The following DCBLD2 variants were observed in gnomAD, a reference collection of about 807,000 sequenced individuals.
DCBLD2 encodes discoidin, CUB and LCCL domain-containing protein 2.
In DCBLD2, 54 loss-of-function variants were observed where a neutral mutation model predicts 86.8. The ratio of observed to expected loss-of-function variants is 0.62; its 90% CI spans 0.50 to 0.78. The LOEUF is 0.78. Among genes scored for constraint, DCBLD2 ranks in the 30% least tolerant of loss-of-function variants. The pLI, the probability that DCBLD2 is intolerant of heterozygous loss-of-function variation, is 0.00. For missense variants in DCBLD2, 908 were observed against 954.2 expected (o/e 0.95, Z 0.64); for synonymous variants, 354 against 341.3 (o/e 1.04, Z -0.41).
At chr3:98,815,762 A>C (rs974683200) in intron 9 of DCBLD2, 3 of 152,208 alleles carry the variant, frequency 2.0e-5, no homozygotes, top group African/African-American at 7.2e-5. Flanking sequence ...TCAGAGATAA[A>C]AATACATTGG....
At position 98,799,787 on chromosome 3, in the gene DCBLD2, G is replaced by GTAGA; in HGVS notation, c.1909_1912dup (p.Thr638IlefsTer4). The GTAGA allele has an allele frequency of 1.2e-6, 2 of 1,613,882 alleles. No homozygotes were observed. Among genetic ancestry groups the GTAGA allele is most frequent in the Non-Finnish European group, 1.7e-6 (2 of 1,179,834 alleles). Reference sequence around the variant, plus strand: ...TTCTTTTCCTTCTTCTGGTTTAAAGGTAGATCTTTGATGAAGTGTACCAAC... The same window carrying GTAGA: ...TTCTTTTCCTTCTTCTGGTTTAAAGGTAGATAGATCTTTGATGAAGTGTACCAAC... On this transcript the variant is annotated frameshift_variant, in exon 16 of 16. Transcript: ENST00000326840. LOFTEE classifies it high-confidence loss of function.
intron 2 of DCBLD2, among the ~76,000 whole-genome samples, chr3:98,860,512 T>C (rs1291595019): frequency 1.3e-5 from 2 of 152,186 alleles, no homozygotes; most frequent in African/African-American, 4.8e-5. Context: ...CCCATCAGAC[T>C]AACAGCAGAT....
intron 13 of DCBLD2, among the ~76,000 whole-genome samples, chr3:98,803,857 G>T (rs940791278): frequency 8.5e-5 from 13 of 152,182 alleles, no homozygotes; most frequent in African/African-American, 3.1e-4. Flanking sequence ...TTATTGATTT[G>T]CATATGTTGA....
In DCBLD2 at chr3:98,819,227, ATCTAT is replaced by A; in HGVS notation, c.1057_1061del (p.Ile353PhefsTer3). On this transcript the variant is annotated frameshift_variant, in exon 8 of 16. Coordinates refer to ENST00000326840, the MANE Select transcript of DCBLD2 (RefSeq NM_080927.4). LOFTEE classifies it high-confidence loss of function. ...CTGTTATTTTCTTTTCCTTATTCAA[ATCTAT>A]TTGTAACCACTGGTATTCATCAGTG... is the stretch of plus-strand genomic sequence containing the variant. 1 of 1,587,690 alleles carries A rather than the reference ATCTAT, an allele frequency of 6.3e-7. No homozygotes were observed. The highest frequency in any genetic ancestry group is 2.3e-5 in the East Asian group (1 of 44,246).
chr3:98,839,749 G>C (rs1409120414), intron 3 of DCBLD2, among the ~76,000 whole-genome samples: 1 of 152,076 alleles, frequency 6.6e-6, no homozygotes, highest in Non-Finnish European at 1.5e-5. Context: ...GGGTGGGGGA[G>C]GTAAAAGACA....
intron 2 of DCBLD2, among the ~76,000 whole-genome samples, chr3:98,866,148 T>C (rs1943139226): frequency 6.6e-6 from 1 of 152,178 alleles, no homozygotes; most frequent in Non-Finnish European, 1.5e-5. Context: ...TTTGCTATTG[T>C]GAATAGTGCC....
At position 98,901,298 on chromosome 3, in the gene DCBLD2, C is replaced by T. The variant is rs745812407; in HGVS notation, c.29G>A (p.Arg10Lys). The change falls in exon 1 of 16, where the codon AGG becomes AAG. Residue 10 changes from arginine to lysine, a missense_variant. Arg to Lys is a conservative substitution (Grantham distance 26, BLOSUM62 2). Transcript: ENST00000326840. MASRAVVRA[R>K]RCPQCPQVRA... ...GACTTGGGGACACTGCGGGCAGCGC[C>T]TGGCTCTCACCACCGCCCGGCTCGC... 1 of 1,498,120 alleles carries T rather than the reference C, an allele frequency of 6.7e-7. No homozygotes were observed. The highest frequency in any genetic ancestry group is 1.4e-5 in the African/African-American group (1 of 70,262). The allele number at this position is 1,498,120 out of a possible 1,614,324, so 92.8% of individuals were successfully genotyped here.
At chr3:98,832,591 T>C (rs1395622883) in intron 3 of DCBLD2, among the ~76,000 whole-genome samples, 1 of 152,194 alleles carries the variant, frequency 6.6e-6, no homozygotes, top group East Asian at 1.9e-4. Flanking sequence ...TTCTTTTCCA[T>C]ATTTAGTGCT....
At chr3:98,816,280 G>C (rs1355677376) in intron 9 of DCBLD2, 1 of 147,946 alleles carries the variant, frequency 6.8e-6, no homozygotes, top group Non-Finnish European at 1.5e-5. Flanking sequence ...GATCAACCCA[G>C]ATTTCTACAC....
chr3:98,852,950 G>A (rs1167108506), intron 2 of DCBLD2, among the ~76,000 whole-genome samples: 4 of 152,278 alleles, frequency 2.6e-5, no homozygotes, highest in Admixed American at 1.3e-4. Flanking sequence ...TTTCAGCCTG[G>A]TGGGACCCCA....
At chr3:98,870,731 G>GAA (rs1247424362) in intron 2 of DCBLD2, among the ~76,000 whole-genome samples, 2 of 103,388 alleles carry the variant, frequency 1.9e-5, no homozygotes, top group Admixed American at 1.1e-4. Flanking sequence ...GAAAAGAAAA[G>GAA]AAAGAAAAAG....
chr3:98,798,838 T>G lies in DCBLD2; in HGVS notation c.*534A>C, dbSNP rs1941659518. The G allele has an allele frequency of 6.6e-6, 1 of 152,546 alleles. No individual in the cohort carries two copies. Among genetic ancestry groups the G allele is most frequent in the Non-Finnish European group, 1.5e-5 (1 of 68,342 alleles). 9.4% of individuals were successfully genotyped at this position (152,546 alleles called of 1,614,324 possible). A position where few individuals can be genotyped will look rare whatever the true frequency, so the allele number is the denominator to read the frequency against. ...AAAATCCCAGCTACAGATCTTAAGA[T>G]GGATAAGTGGATATGGCTGCAATAA... On this transcript the variant is annotated 3_prime_UTR_variant, in exon 16 of 16. Transcript: ENST00000326840.
At chr3:98,810,800 C>T (rs995190774) in intron 12 of DCBLD2, among the ~76,000 whole-genome samples, 6 of 151,860 alleles carry the variant, frequency 4.0e-5, no homozygotes, top group African/African-American at 1.2e-4. Context: ...TTATTTTCCC[C>T]TTTTTGCCAT....
intron 3 of DCBLD2, among the ~76,000 whole-genome samples, chr3:98,846,355 T>C (rs996517772): frequency 6.6e-6 from 1 of 152,228 alleles, no homozygotes; most frequent in Admixed American, 6.5e-5. Context: ...AAAATATTTA[T>C]GGAATTCATT....
chr3:98,900,248 A>G (rs1358571660), intron 1 of DCBLD2, among the ~76,000 whole-genome samples: 5 of 152,228 alleles, frequency 3.3e-5, no homozygotes, highest in Admixed American at 1.3e-4. Context: ...CTTCCTAGCA[A>G]TAAGTAACAA....
intron 2 of DCBLD2, among the ~76,000 whole-genome samples, chr3:98,868,108 T>A (rs556179933): frequency 6.6e-6 from 1 of 152,256 alleles, no homozygotes; most frequent in South Asian, 2.1e-4. Context: ...CGACCAGAAA[T>A]AACATTTGAA....
intron 1 of DCBLD2, among the ~76,000 whole-genome samples, chr3:98,898,147 A>C (rs908221026): frequency 1.3e-5 from 2 of 152,190 alleles, no homozygotes; most frequent in East Asian, 3.9e-4. Flanking sequence ...AGGTAAACAG[A>C]ATATATTTAT....
At chr3:98,806,241 A>T (rs1173765239) in intron 13 of DCBLD2, among the ~76,000 whole-genome samples, 1 of 152,226 alleles carries the variant, frequency 6.6e-6, no homozygotes, top group Non-Finnish European at 1.5e-5. Context: ...ATCTGTGTAG[A>T]GATGTGAAAC....
At chr3:98,853,908 T>C (rs1391159849) in intron 2 of DCBLD2, among the ~76,000 whole-genome samples, 1 of 152,202 alleles carries the variant, frequency 6.6e-6, no homozygotes, top group East Asian at 1.9e-4. Flanking sequence ...ACATCAGCTC[T>C]GCCCACTTTC....
Sources: gnomAD v4.1 joint callset for allele counts (sites outside exome capture counted in the v4.1 genomes callset) on GRCh38, gnomAD v4.1.1 for gene constraint, MANE v1.5 for transcripts, NCBI Gene and HGNC (gene_info 2026-07-23, HGNC 2026-07-21) for gene names.